Variants in ZNF560 observed in about 807,000 individuals in gnomAD.
ZNF560 encodes the protein zinc finger protein 560.
ZNF560 carries 54 observed loss-of-function variants against 81.8 expected under a neutral mutation model. The observed-to-expected ratio is 0.66, with a 90% confidence interval of 0.53 to 0.83. ZNF560 has a LOEUF of 0.83. ZNF560 is among the 40% of genes least tolerant of loss of function. ZNF560 has a pLI of 0.00. For missense variants in ZNF560, 940 were observed against 932.4 expected, an observed-to-expected ratio of 1.01 and a Z score of -0.11; for synonymous variants, 321 against 317.9, an observed-to-expected ratio of 1.01 and a Z score of -0.10.
chr19:9,496,510 C>T (rs957415213), intron 2 of ZNF560, among the ~76,000 whole-genome samples: 9 of 142,962 alleles, frequency 6.3e-5, no homozygotes, highest in African/African-American at 2.3e-4. Context: ...AGGCGTGAGA[C>T]ACCGCACCAG....
At chr19:9,494,143 A>G (rs2073517874) in intron 2 of ZNF560, among the ~76,000 whole-genome samples, 1 of 151,924 alleles carries the variant, frequency 6.6e-6, no homozygotes. Context: ...AAAAAAAAAA[A>G]AAAAAAGAAA....
At chr19:9,492,552 AG>A (rs2073489517) in intron 2 of ZNF560, among the ~76,000 whole-genome samples, 2 of 152,216 alleles carry the variant, frequency 1.3e-5, no homozygotes, top group African/African-American at 2.4e-5. Flanking sequence ...TTCACTGCAA[AG>A]GAAGTGCAAC....
chr19:9,446,841 A>C, the ZNF560 span, among the ~76,000 whole-genome samples: 1 of 152,174 alleles, frequency 6.6e-6, no homozygotes, highest in Admixed American at 6.5e-5. Flanking sequence ...TTTGGATATC[A>C]GTGACTAAAA....
At chr19:9,461,823 G>A (rs2072936201), downstream of ZNF560, among the ~76,000 whole-genome samples, 1 of 152,212 alleles carries the variant, frequency 6.6e-6, no homozygotes, top group South Asian at 2.1e-4. Flanking sequence ...CTACAAACTT[G>A]TCTTCGGATG....
At chr19:9,485,925 T>TA (rs1395392687) in intron 2 of ZNF560, among the ~76,000 whole-genome samples, 2 of 152,126 alleles carry the variant, frequency 1.3e-5, no homozygotes, top group Non-Finnish European at 2.9e-5. Context: ...TTCATCTTTT[T>TA]AAAAAACATT....
At chr19:9,446,400 A>ACACACAC in the ZNF560 span, among the ~76,000 whole-genome samples, 1 of 106,602 alleles carries the variant, frequency 9.4e-6, no homozygotes, top group Admixed American at 9.2e-5. Flanking sequence ...ACACACACAC[A>ACACACAC]CACACACATA....
chr19:9,504,583 G>A, the ZNF560 span, among the ~76,000 whole-genome samples: 1 of 152,278 alleles, frequency 6.6e-6, no homozygotes, highest in East Asian at 1.9e-4. Flanking sequence ...CTGAGGCTTA[G>A]TTGGCTTACC....
the ZNF560 span, among the ~76,000 whole-genome samples, chr19:9,451,177 A>G: frequency 6.6e-6 from 1 of 152,188 alleles, no homozygotes; most frequent in African/African-American, 2.4e-5. Context: ...AAGCAATCCT[A>G]TGCAAAAAGA....
At chr19:9,492,162 G>A (rs748453509) in intron 2 of ZNF560, among the ~76,000 whole-genome samples, 6 of 151,810 alleles carry the variant, frequency 4.0e-5, no homozygotes, top group Non-Finnish European at 7.4e-5. Context: ...GGTGGTTTTC[G>A]TAGGGGGGTT....
At chr19:9,449,988 A>AC in the ZNF560 span, among the ~76,000 whole-genome samples, 1 of 147,170 alleles carries the variant, frequency 6.8e-6, no homozygotes, top group African/African-American at 2.5e-5. Context: ...AAAAAAAAAA[A>AC]AAAAAAAAAA....
chr19:9,501,133 G>T (rs534707427), upstream of ZNF560, among the ~76,000 whole-genome samples: 14 of 146,310 alleles, frequency 9.6e-5, no homozygotes, highest in Admixed American at 5.5e-4. Context: ...ATGAAAGATA[G>T]TCTCTAATTT....
At chr19:9,472,702 T>C (rs2073141709) in intron 5 of ZNF560, among the ~76,000 whole-genome samples, 1 of 152,170 alleles carries the variant, frequency 6.6e-6, no homozygotes, top group African/African-American at 2.4e-5. Context: ...AGTAGAGTTA[T>C]GGTAGAGTTG....
At chr19:9,476,386 G>A (rs769035190) in intron 2 of ZNF560, among the ~76,000 whole-genome samples, 4 of 151,940 alleles carry the variant, frequency 2.6e-5, no homozygotes, top group Non-Finnish European at 4.4e-5. Flanking sequence ...TCTGCCTCCC[G>A]GGTTCAAGCA....
chr19:9,471,581 T>C (rs989233583), intron 5 of ZNF560, among the ~76,000 whole-genome samples: 1 of 152,184 alleles, frequency 6.6e-6, no homozygotes, highest in Non-Finnish European at 1.5e-5. Context: ...TTGCTACAAA[T>C]TGACTCATTT....
chr19:9,453,318 C>CTG, the ZNF560 span, among the ~76,000 whole-genome samples: 1 of 152,184 alleles, frequency 6.6e-6, no homozygotes, highest in South Asian at 2.1e-4. Flanking sequence ...TTAAGCCATC[C>CTG]TGTGATAATT....
At chr19:9,469,022 C>A in intron 9 of ZNF560, 83 bp downstream of exon 9, 2 of 1,128,284 alleles carry the variant, frequency 1.8e-6, no homozygotes, top group South Asian at 2.9e-5. Context: ...GCCACCGTGC[C>A]TGGCCATTTC....
chr19:9,482,590 C>T (rs934422343), intron 2 of ZNF560, among the ~76,000 whole-genome samples: 1 of 151,976 alleles, frequency 6.6e-6, no homozygotes, highest in Non-Finnish European at 1.5e-5. Context: ...TGCAGCACTG[C>T]ACTCCAGCAC....
intron 2 of ZNF560, among the ~76,000 whole-genome samples, chr19:9,491,543 T>C (rs1262222538): frequency 6.6e-6 from 1 of 152,020 alleles, no homozygotes; most frequent in Non-Finnish European, 1.5e-5. Context: ...TATAAGATTC[T>C]TGGCCAGGCA....
At chr19:9,455,997 G>A in the ZNF560 span, among the ~76,000 whole-genome samples, 1 of 152,194 alleles carries the variant, frequency 6.6e-6, no homozygotes, top group Admixed American at 6.5e-5. Context: ...TACCTGAAGT[G>A]TAAAAAAGGA....
Sources: gnomAD v4.1 joint callset for allele counts (sites outside exome capture counted in the v4.1 genomes callset) on GRCh38, gnomAD v4.1.1 for gene constraint, MANE v1.5 for transcripts, NCBI Gene and HGNC (gene_info 2026-07-23, HGNC 2026-07-21) for gene names.